NEK10: variants seen among roughly 807,000 people sequenced by gnomAD.
NEK10 encodes the protein serine/threonine-protein kinase Nek10.
NEK10 carries 122 observed loss-of-function variants against 159.8 expected under a neutral mutation model. The observed-to-expected ratio is 0.76, with a 90% CI of 0.66 to 0.89. The LOEUF (loss-of-function observed/expected upper bound fraction) is 0.89. Among genes scored for constraint, NEK10 ranks in the 40% least tolerant of loss-of-function variants. The pLI is 0.00. For synonymous variants in NEK10, 466 were observed against 457.1 expected, an observed-to-expected ratio of 1.02 and a Z score of -0.25; for missense variants, 1,342 against 1,323.1, an observed-to-expected ratio of 1.01 and a Z score of -0.22.
chr3:27,174,891 C>T lies in NEK10; in HGVS notation c.2506-58G>A, dbSNP rs939518075. ...TTTCTCTATCCTTCCTTCTATAGGACCTAAATCTTGTTAGAACATATATTA... is the reference window on the plus strand; with the variant it reads ...TTTCTCTATCCTTCCTTCTATAGGATCTAAATCTTGTTAGAACATATATTA... On this transcript the variant is annotated intron_variant, in intron 26 of 35. Transcript: ENST00000691995. 12 of 1,400,696 alleles carry T rather than the reference C, an allele frequency of 8.6e-6. No individual in the cohort carries two copies. In the African/African-American group the frequency reaches 1.5e-4, roughly 17 times the overall value. The allele number at this position is 1,400,696 out of a possible 1,614,324, so 86.8% of individuals were successfully genotyped here.
chr3:27,148,402 A>T (rs1944512020), intron 30 of NEK10, among the ~76,000 whole-genome samples: 1 of 152,160 alleles, frequency 6.6e-6, no homozygotes, highest in Admixed American at 6.5e-5. Flanking sequence ...ACTGGTGCTT[A>T]CATTTCTACA....
intron 22 of NEK10, among the ~76,000 whole-genome samples, chr3:27,276,716 C>T (rs1191285193): frequency 6.6e-6 from 1 of 152,188 alleles, no homozygotes; most frequent in Admixed American, 6.5e-5. Context: ...TACCTCACAT[C>T]TCATTAACTG....
At chr3:27,150,834 G>T (rs1407078690) in intron 30 of NEK10, among the ~76,000 whole-genome samples, 1 of 152,150 alleles carries the variant, frequency 6.6e-6, no homozygotes, top group Non-Finnish European at 1.5e-5. Flanking sequence ...AAACCTCCCA[G>T]AAAGGATTCA....
chr3:27,247,666 G>T, intron 23 of NEK10, among the ~76,000 whole-genome samples: 1 of 152,034 alleles, frequency 6.6e-6, no homozygotes, highest in East Asian at 1.9e-4. Flanking sequence ...CTTCCAAGTA[G>T]CTGGGACTAC....
At chr3:27,352,433 AT>A in intron 3 of NEK10, 31 bp downstream of exon 3, 1 of 1,480,816 alleles carries the variant, frequency 6.8e-7, no homozygotes, top group Non-Finnish European at 9.4e-7. Flanking sequence ...TTTTTCTTTT[AT>A]TACCAAGTGA....
chr3:27,305,388 G>T (rs540677002), intron 11 of NEK10, among the ~76,000 whole-genome samples: 57 of 152,246 alleles, frequency 3.7e-4, no homozygotes, highest in African/African-American at 1.3e-3. Flanking sequence ...GCAGGGCGTG[G>T]TGGTGTGTGC....
At chr3:27,176,347 GA>G (rs1232641492) in intron 26 of NEK10, among the ~76,000 whole-genome samples, 1 of 152,178 alleles carries the variant, frequency 6.6e-6, no homozygotes. Context: ...TTATGACTCT[GA>G]GTTGTTAATT....
chr3:27,357,334 T>C (rs925893009), intron 1 of NEK10, among the ~76,000 whole-genome samples: 15 of 152,206 alleles, frequency 9.9e-5, no homozygotes, highest in African/African-American at 3.6e-4. Flanking sequence ...ACCTGTGTTA[T>C]TACTTTTTTA....
In NEK10 at chr3:27,301,848, A is replaced by G; in HGVS notation, c.1029-13T>C. The G allele has an allele frequency of 6.5e-7, 1 of 1,546,360 alleles. No individual in the cohort carries two copies. ...AAAATTTCTGTCTCTGAAAAAGAAA[A>G]GTTAATGCATAGACCATTTATCAAT... On this transcript the variant is annotated splice_polypyrimidine_tract_variant and intron_variant, in intron 12 of 35. Transcript: ENST00000691995.
intron 22 of NEK10, among the ~76,000 whole-genome samples, chr3:27,264,617 C>A (rs1187727583): frequency 6.6e-6 from 1 of 152,120 alleles, no homozygotes; most frequent in African/African-American, 2.4e-5. Context: ...ATTGGCCAAG[C>A]CTGGTGGCTC....
chr3:27,239,583 A>T (rs563167676), intron 23 of NEK10, among the ~76,000 whole-genome samples: 1 of 152,358 alleles, frequency 6.6e-6, no homozygotes, highest in Non-Finnish European at 1.5e-5. Context: ...ATCACATTTT[A>T]TAAGAGACTT....
intron 35 of NEK10, among the ~76,000 whole-genome samples, chr3:27,114,809 A>G (rs879537065): frequency 6.6e-6 from 1 of 152,146 alleles, no homozygotes; most frequent in African/African-American, 2.4e-5. Context: ...TCCTAAAACA[A>G]CTGTGGCCCA....
At chr3:27,237,772 C>T (rs1437367123) in intron 23 of NEK10, among the ~76,000 whole-genome samples, 1 of 152,018 alleles carries the variant, frequency 6.6e-6, no homozygotes, top group Non-Finnish European at 1.5e-5. Flanking sequence ...AGAACCTATC[C>T]ATGCATCCCA....
chr3:27,300,745 C>T (rs992486115), intron 13 of NEK10, among the ~76,000 whole-genome samples: 1 of 152,146 alleles, frequency 6.6e-6, no homozygotes, highest in Non-Finnish European at 1.5e-5. Flanking sequence ...ACACTCAGAG[C>T]TCTGAGATTC....
intron 20 of NEK10, among the ~76,000 whole-genome samples, chr3:27,285,884 C>G (rs1046294555): frequency 2.0e-5 from 3 of 151,838 alleles, no homozygotes; most frequent in African/African-American, 7.3e-5. Flanking sequence ...ATGGGTATAC[C>G]ATAATTTATT....
intron 23 of NEK10, among the ~76,000 whole-genome samples, chr3:27,244,315 T>G (rs1392052227): frequency 6.6e-6 from 1 of 152,214 alleles, no homozygotes; most frequent in South Asian, 2.1e-4. Flanking sequence ...GAACATCCCC[T>G]AGCAGGGATG....
intron 11 of NEK10, among the ~76,000 whole-genome samples, chr3:27,307,441 C>T (rs2149572866): frequency 6.6e-6 from 1 of 152,218 alleles, no homozygotes. Context: ...AGCAGGTGAT[C>T]ACAAAACAAG....
At chr3:27,182,104 A>C (rs1304544108) in intron 26 of NEK10, among the ~76,000 whole-genome samples, 1 of 152,156 alleles carries the variant, frequency 6.6e-6, no homozygotes, top group Non-Finnish European at 1.5e-5. Flanking sequence ...GTGAGATGGG[A>C]GGATAAGTTC....
At chr3:27,240,736 C>T (rs1320977387) in intron 23 of NEK10, among the ~76,000 whole-genome samples, 1 of 151,190 alleles carries the variant, frequency 6.6e-6, no homozygotes, top group Non-Finnish European at 1.5e-5. Flanking sequence ...ACTGCAACCT[C>T]TGTCTCCCAG....
Sources: gnomAD v4.1 joint callset for allele counts (sites outside exome capture counted in the v4.1 genomes callset) on GRCh38, gnomAD v4.1.1 for gene constraint, MANE v1.5 for transcripts, NCBI Gene and HGNC (gene_info 2026-07-23, HGNC 2026-07-21) for gene names.